Variants in SLC35F4 observed in about 807,000 individuals in gnomAD.
The protein encoded by SLC35F4 is solute carrier family 35 member F4.
SLC35F4 carries 24 observed loss-of-function variants against 44.2 expected under a neutral mutation model. The observed-to-expected ratio is 0.54, with a 90% confidence interval of 0.39 to 0.76. SLC35F4 has a LOEUF of 0.76. SLC35F4 is among the 30% of genes least tolerant of loss of function. The pLI, the probability that SLC35F4 is intolerant of heterozygous loss-of-function variation, is 0.00. For missense variants in SLC35F4, 562 were observed against 586.1 expected (o/e 0.96, Z 0.42); for synonymous variants, 238 against 223.6 (o/e 1.06, Z -0.57).
At chr14:57,647,589 T>C (rs535995481) in intron 1 of SLC35F4, among the ~76,000 whole-genome samples, 1 of 152,266 alleles carries the variant, frequency 6.6e-6, no homozygotes, top group Non-Finnish European at 1.5e-5. Flanking sequence ...ATAAGGACTA[T>C]CTGAGGAAGA....
chr14:57,905,272 T>C (rs1889085498), intron 1 of SLC35F4, among the ~76,000 whole-genome samples: 1 of 152,220 alleles, frequency 6.6e-6, no homozygotes, highest in African/African-American at 2.4e-5. Context: ...TTGAATGTCC[T>C]CATATAATGG....
At chr14:57,789,657 T>G (rs1277712060) in intron 1 of SLC35F4, among the ~76,000 whole-genome samples, 5 of 152,194 alleles carry the variant, frequency 3.3e-5, no homozygotes, top group African/African-American at 4.8e-5. Context: ...GAGGACAGAA[T>G]CATCCTGATA....
chr14:57,802,489 A>G (rs2140858838), intron 1 of SLC35F4, among the ~76,000 whole-genome samples: 1 of 134,224 alleles, frequency 7.5e-6, no homozygotes, highest in African/African-American at 3.3e-5. Context: ...AAGGAGATAG[A>G]GACACAAAAA....
intron 1 of SLC35F4, among the ~76,000 whole-genome samples, chr14:57,759,596 G>T (rs2077074952): frequency 6.6e-6 from 1 of 152,090 alleles, no homozygotes; most frequent in Non-Finnish European, 1.5e-5. Flanking sequence ...TCTTTTTTAG[G>T]GAACTGTATA....
downstream of SLC35F4, among the ~76,000 whole-genome samples, chr14:57,975,629 A>G (rs1410595303): frequency 6.6e-6 from 1 of 152,226 alleles, no homozygotes; most frequent in East Asian, 1.9e-4. Flanking sequence ...TGGACATATT[A>G]TGTGAGACCT....
intron 1 of SLC35F4, among the ~76,000 whole-genome samples, chr14:57,727,816 T>G (rs2076241941): frequency 6.6e-6 from 1 of 152,190 alleles, no homozygotes; most frequent in South Asian, 2.1e-4. Flanking sequence ...GGTCTATCCT[T>G]GAGAATGAAC....
At chr14:57,620,671 G>C (rs905458718) in intron 1 of SLC35F4, among the ~76,000 whole-genome samples, 16 of 152,152 alleles carry the variant, frequency 1.1e-4, no homozygotes, top group African/African-American at 3.9e-4. Context: ...GTCATAGATA[G>C]CTCTTATTAT....
intron 1 of SLC35F4, among the ~76,000 whole-genome samples, chr14:57,827,357 G>C (rs1883898276): frequency 6.6e-6 from 1 of 152,060 alleles, no homozygotes; most frequent in Admixed American, 6.6e-5. Flanking sequence ...ACGGGAGCTG[G>C]GGGAGGGAGA....
chr14:57,731,692 T>C (rs1333029304), intron 1 of SLC35F4, among the ~76,000 whole-genome samples: 3 of 152,218 alleles, frequency 2.0e-5, no homozygotes, highest in African/African-American at 7.2e-5. Context: ...ATCTCTTTTA[T>C]TTTATATTAA....
At chr14:57,600,863 T>G (rs2070787058) in intron 1 of SLC35F4, among the ~76,000 whole-genome samples, 1 of 152,022 alleles carries the variant, frequency 6.6e-6, no homozygotes, top group Non-Finnish European at 1.5e-5. Context: ...TTTTGGTAGG[T>G]TTTTCATAGA....
At chr14:57,752,181 G>T (rs991541164) in intron 1 of SLC35F4, among the ~76,000 whole-genome samples, 5 of 152,104 alleles carry the variant, frequency 3.3e-5, no homozygotes, top group Admixed American at 3.3e-4. Flanking sequence ...AGGATGAAGG[G>T]TTTCTAAGAG....
chr14:57,781,547 G>A (rs1328028403), intron 1 of SLC35F4, among the ~76,000 whole-genome samples: 2 of 152,060 alleles, frequency 1.3e-5, no homozygotes, highest in African/African-American at 2.4e-5. Context: ...ATTTGACCCA[G>A]CAACTCATGA....
chr14:57,599,204 G>T (rs1238380068), intron 1 of SLC35F4, among the ~76,000 whole-genome samples: 2 of 152,126 alleles, frequency 1.3e-5, no homozygotes, highest in African/African-American at 4.8e-5. Flanking sequence ...CACTTATATG[G>T]ATAGGGTTCC....
chr14:57,726,555 TAAGTA>T (rs1302703374), intron 1 of SLC35F4, among the ~76,000 whole-genome samples: 4 of 152,284 alleles, frequency 2.6e-5, no homozygotes, highest in Non-Finnish European at 5.9e-5. Flanking sequence ...TATCAGCATT[TAAGTA>T]TTGTTAACTT....
At chr14:57,926,650 A>G (rs1889576696) in intron 1 of SLC35F4, among the ~76,000 whole-genome samples, 1 of 148,054 alleles carries the variant, frequency 6.8e-6, no homozygotes, top group Admixed American at 6.9e-5. Flanking sequence ...CCTTACAATT[A>G]ATATGATTTC....
At chr14:57,675,516 G>A (rs578061456) in intron 1 of SLC35F4, among the ~76,000 whole-genome samples, 35 of 151,784 alleles carry the variant, frequency 2.3e-4, no homozygotes, top group African/African-American at 7.5e-4. Context: ...TCTTTCTCTC[G>A]TCTGATTGCT....
At chr14:57,640,108 G>A (rs891244704) in intron 1 of SLC35F4, among the ~76,000 whole-genome samples, 2 of 152,034 alleles carry the variant, frequency 1.3e-5, no homozygotes. Flanking sequence ...AGAAAGGCAG[G>A]CACAAGAGGG....
intron 1 of SLC35F4, among the ~76,000 whole-genome samples, chr14:57,772,949 T>G (rs1226504491): frequency 2.0e-5 from 3 of 152,228 alleles, no homozygotes; most frequent in Non-Finnish European, 4.4e-5. Flanking sequence ...TCCATAGAGG[T>G]TGAACAAATT....
intron 1 of SLC35F4, among the ~76,000 whole-genome samples, chr14:57,929,972 T>C (rs1221348986): frequency 6.6e-6 from 1 of 152,158 alleles, no homozygotes; most frequent in Non-Finnish European, 1.5e-5. Flanking sequence ...AACCTACTTT[T>C]CTTAGACTTT....
Sources: allele counts gnomAD v4.1 joint callset (sites outside exome capture counted in the v4.1 genomes callset), GRCh38; gene constraint gnomAD v4.1.1; transcripts MANE v1.5; gene names NCBI Gene and HGNC (gene_info 2026-07-23, HGNC 2026-07-21).